TBC1D32: variants seen among roughly 807,000 people sequenced by gnomAD.
TBC1D32 encodes the protein TBC1 domain family member 32.
TBC1D32 carries 151 observed loss-of-function variants against 170.3 expected under a neutral mutation model. The ratio of observed to expected loss-of-function variants is 0.89; its 90% confidence interval spans 0.78 to 1.01. TBC1D32 has a LOEUF of 1.01. Ranked by LOEUF, TBC1D32 falls within the 50% of genes least tolerant of loss-of-function variation. The pLI, the probability that TBC1D32 is intolerant of heterozygous loss-of-function variation, is 0.00. For synonymous variants in TBC1D32, 498 were observed against 488.0 expected (o/e 1.02, Z -0.27); for missense variants, 1,464 against 1,457.1 (o/e 1.00, Z -0.08).
intron 15 of TBC1D32, among the ~76,000 whole-genome samples, chr6:121,278,280 C>G (rs1015550107): frequency 2.0e-5 from 3 of 152,024 alleles, no homozygotes; most frequent in African/African-American, 7.2e-5. Flanking sequence ...AATACCAAAA[C>G]CAGCCAAAGA....
chr6:121,101,766 G>A (rs887695020), intron 30 of TBC1D32, among the ~76,000 whole-genome samples: 4 of 152,010 alleles, frequency 2.6e-5, no homozygotes, highest in African/African-American at 9.7e-5. Context: ...AGAAATAAAG[G>A]GTATTCAATT....
chr6:121,116,069 A>G (rs1232224399), intron 26 of TBC1D32, among the ~76,000 whole-genome samples: 1 of 152,114 alleles, frequency 6.6e-6, no homozygotes, highest in African/African-American at 2.4e-5. Flanking sequence ...ATACACACAA[A>G]CACATGAACA....
chr6:121,130,356 C>G (rs1382044289), intron 25 of TBC1D32, among the ~76,000 whole-genome samples: 1 of 152,058 alleles, frequency 6.6e-6, no homozygotes, highest in African/African-American at 2.4e-5. Flanking sequence ...GTGACATGCG[C>G]CTGTAATCCC....
At chr6:121,234,565 G>C (rs1050125495) in intron 20 of TBC1D32, among the ~76,000 whole-genome samples, 1 of 151,952 alleles carries the variant, frequency 6.6e-6, no homozygotes, top group Admixed American at 6.6e-5. Flanking sequence ...CAGAAGTTGT[G>C]ATTGTTCTTA....
chr6:121,306,866 T>C (rs1441831104), intron 5 of TBC1D32, among the ~76,000 whole-genome samples: 1 of 152,206 alleles, frequency 6.6e-6, no homozygotes, highest in Non-Finnish European at 1.5e-5. Context: ...CTCAAATTAT[T>C]TTCTAAAATC....
At chr6:121,132,543 C>A (rs553000808) in intron 24 of TBC1D32, among the ~76,000 whole-genome samples, 102 of 152,020 alleles carry the variant, frequency 6.7e-4, no homozygotes, top group South Asian at 8.3e-4. Context: ...TTCTTTGAGT[C>A]TTCATTTCCC....
Position 121,144,763 on chromosome 6 carries a change from G to T in TBC1D32, c.2774-13011C>A, listed in dbSNP as rs569636738. 7.2e-5 allele frequency among the ~76,000 whole-genome samples: 11 copies of T among 152,230 alleles called. 1 individual carries two copies. The South Asian group carries it at 2.3e-3, about 32-fold the overall frequency. On this transcript the variant is annotated intron_variant, in intron 24 of 31. Coordinates refer to ENST00000398212, the MANE Select transcript of TBC1D32 (RefSeq NM_152730.6). ...ATATTGGATAGTATTTCAGTCATGAGATCCTCACAACAGTAATGCAGCTAG... is the reference window on the plus strand; with the variant it reads ...ATATTGGATAGTATTTCAGTCATGATATCCTCACAACAGTAATGCAGCTAG...
In TBC1D32 at chr6:121,284,022, A is replaced by G. The variant is rs1019871916; in HGVS notation, c.1373-112T>C. 4.1e-6 allele frequency: 3 copies of G among 727,116 alleles called. No homozygotes were observed. The African/African-American group carries it at 5.4e-5, about 13-fold the overall frequency. 45.0% of individuals were successfully genotyped at this position (727,116 alleles called of 1,614,324 possible). A position where few individuals can be genotyped will look rare whatever the true frequency, so the allele number is the denominator to read the frequency against. On this transcript the variant is annotated intron_variant, in intron 12 of 31. Coordinates refer to ENST00000398212, the MANE Select transcript of TBC1D32 (RefSeq NM_152730.6). ...TAGTTGAGGTTTTGTACAGACTACG[A>G]GGCAATCAGGAAGAAGGGAGCTATA... is the stretch of plus-strand genomic sequence containing the variant.
chr6:121,081,721 C>G (rs12525761), intron 31 of TBC1D32, among the ~76,000 whole-genome samples: 41,049 of 151,690 alleles, frequency 0.27, 8,440 homozygotes, highest in African/African-American at 0.57. Flanking sequence ...GCAGTTTATA[C>G]AGAAGAAACC....
At chr6:121,219,554 A>G (rs574870543) in intron 21 of TBC1D32, among the ~76,000 whole-genome samples, 1 of 152,194 alleles carries the variant, frequency 6.6e-6, no homozygotes, top group Non-Finnish European at 1.5e-5. Flanking sequence ...AACCAATCAT[A>G]TTAGAATAAT....
At chr6:121,254,646 C>T (rs1184477971) in intron 17 of TBC1D32, among the ~76,000 whole-genome samples, 1 of 151,860 alleles carries the variant, frequency 6.6e-6, no homozygotes, top group African/African-American at 2.4e-5. Context: ...TAAACTATAC[C>T]TACCTTAAAA....
In TBC1D32 at chr6:121,232,968, A is replaced by G. The variant is rs374419790; in HGVS notation, c.2364+6102T>C. On this transcript the variant is annotated intron_variant, in intron 20 of 31. Coordinates refer to ENST00000398212, the MANE Select transcript of TBC1D32 (RefSeq NM_152730.6). ...CCATCTTGATATCATTGTTGGTCCA[A>G]TGATCACTTAGGAGCAGGTTATTTA... Among the ~76,000 whole-genome samples, 380 of 152,228 alleles carry G rather than the reference A, an allele frequency of 2.5e-3. 3 individuals carry two copies. The highest frequency in any genetic ancestry group is 8.7e-3 in the African/African-American group (362 of 41,556).
intron 24 of TBC1D32, among the ~76,000 whole-genome samples, chr6:121,148,304 A>T (rs965299410): frequency 6.6e-6 from 1 of 152,096 alleles, no homozygotes; most frequent in Non-Finnish European, 1.5e-5. Context: ...GTCCCTGAAA[A>T]GGACATGAAC....
chr6:121,270,329 TG>T (rs1801191567), intron 15 of TBC1D32, among the ~76,000 whole-genome samples: 1 of 152,030 alleles, frequency 6.6e-6, no homozygotes, highest in Non-Finnish European at 1.5e-5. Context: ...ATCCAGGAGC[TG>T]GTTTTTTGAA....
intron 31 of TBC1D32, among the ~76,000 whole-genome samples, chr6:121,088,387 G>A (rs1037652361): frequency 5.9e-5 from 9 of 152,092 alleles, no homozygotes; most frequent in African/African-American, 1.4e-4. Flanking sequence ...TAAATCATGT[G>A]AGTATTTTTG....
intron 25 of TBC1D32, among the ~76,000 whole-genome samples, chr6:121,131,189 T>C (rs1781403770): frequency 6.6e-6 from 1 of 151,966 alleles, no homozygotes; most frequent in Non-Finnish European, 1.5e-5. Flanking sequence ...AATAAACTTG[T>C]TTGCTAATTT....
intron 21 of TBC1D32, among the ~76,000 whole-genome samples, chr6:121,217,574 A>G (rs1034572244): frequency 2.0e-5 from 3 of 152,226 alleles, no homozygotes; most frequent in African/African-American, 7.2e-5. Context: ...GTTCTCAGGT[A>G]TAAGTGGGAG....
chr6:121,119,643 A>C (rs1251983670), intron 26 of TBC1D32, among the ~76,000 whole-genome samples: 1 of 152,162 alleles, frequency 6.6e-6, no homozygotes, highest in Non-Finnish European at 1.5e-5. Context: ...GAATTGAACC[A>C]ACAAAAAGGA....
chr6:121,271,860 T>TA lies in TBC1D32; in HGVS notation c.1733+7260dup, dbSNP rs536710513. On this transcript the variant is annotated intron_variant, in intron 15 of 31. Coordinates refer to ENST00000398212, the MANE Select transcript of TBC1D32 (RefSeq NM_152730.6). ...CATGCCACCTGACTTCAAACTGTAC[T>TA]ACAAGGCTACAGTAACCAAAACAGC... Among the ~76,000 whole-genome samples the TA allele has an allele frequency of 3.3e-5, 5 of 152,164 alleles. No individual in the cohort carries two copies. In the South Asian group the frequency reaches 1.0e-3, roughly 32 times the overall value.
Sources: allele counts gnomAD v4.1 joint callset (sites outside exome capture counted in the v4.1 genomes callset), GRCh38; gene constraint gnomAD v4.1.1; transcripts MANE v1.5; gene names NCBI Gene and HGNC (gene_info 2026-07-23, HGNC 2026-07-21).